The following SFXN5 variants were observed in gnomAD, a reference collection of about 807,000 sequenced individuals.
SFXN5 encodes sideroflexin-5.
Under a neutral mutation model 50.2 loss-of-function variants are expected in SFXN5, and 43 were observed. That is an observed-to-expected ratio of 0.86 (90% CI 0.67 to 1.11). The LOEUF is 1.11. Among genes scored for constraint, SFXN5 ranks in the 50% least tolerant of loss-of-function variants. The probability of loss-of-function intolerance (pLI) is 0.00; values close to 1 mark genes in which losing one functional copy is unlikely to be tolerated. For missense variants in SFXN5, 463 were observed against 454.1 expected (o/e 1.02, Z -0.18); for synonymous variants, 203 against 185.8 (o/e 1.09, Z -0.75).
chr2:72,947,898 G>A (rs775113222), intron 13 of SFXN5, among the ~76,000 whole-genome samples: 27 of 148,004 alleles, frequency 1.8e-4, no homozygotes, highest in Non-Finnish European at 3.3e-4. Flanking sequence ...AATGCACAGC[G>A]CCCACGCTTA....
intron 12 of SFXN5, chr2:72,967,286 T>C (rs1674527658): frequency 1.3e-5 from 2 of 152,180 alleles, no homozygotes; most frequent in South Asian, 2.1e-4. Context: ...GGCAGGGCAG[T>C]GAACAAAAGG....
intron 8 of SFXN5, among the ~76,000 whole-genome samples, chr2:72,999,945 T>TG (rs890897182): frequency 7.9e-5 from 12 of 151,940 alleles, no homozygotes; most frequent in East Asian, 2.0e-4. Flanking sequence ...GCAGGGGCTC[T>TG]GGGGGGGAGT....
intron 13 of SFXN5, among the ~76,000 whole-genome samples, chr2:72,946,121 C>A (rs1482855947): frequency 6.6e-6 from 1 of 151,756 alleles, no homozygotes; most frequent in African/African-American, 2.4e-5. Context: ...CACCTGGCTC[C>A]ACCTCCCCTG....
rs552733641 is a variant in SFXN5 at position 73,055,389 on chromosome 2, TTGTC to T, written c.171+3135_171+3138del. Among the ~76,000 whole-genome samples, 56 of 152,336 alleles carry T rather than the reference TTGTC, an allele frequency of 3.7e-4. 2 individuals carry two copies. The South Asian group carries it at 0.011, about 29-fold the overall frequency. Reference sequence around the variant, plus strand: ...CTTAACTTCCAGTCTGTCCTTTTCTTTGTCTGTAAAATGGAACTTATAATAGCAT... The same window carrying T: ...CTTAACTTCCAGTCTGTCCTTTTCTTTGTAAAATGGAACTTATAATAGCAT... On this transcript the variant is annotated intron_variant, in intron 2 of 13. Transcript: ENST00000272433.
intron 4 of SFXN5, 21 bp downstream of exon 4, chr2:73,023,167 G>C: frequency 1.9e-6 from 3 of 1,600,152 alleles, no homozygotes; most frequent in Admixed American, 3.4e-5. Context: ...GAAGGAAATA[G>C]AGAATCCAAA....
At chr2:72,958,353 T>G (rs937814417) in intron 13 of SFXN5, among the ~76,000 whole-genome samples, 3 of 152,178 alleles carry the variant, frequency 2.0e-5, no homozygotes, top group Admixed American at 2.0e-4. Flanking sequence ...CTCTGGTGTT[T>G]CCTCTCCTAT....
Position 72,953,548 on chromosome 2 carries a change from A to T in SFXN5, c.945+7583T>A, listed in dbSNP as rs1269355152. Among the ~76,000 whole-genome samples the T allele has an allele frequency of 6.6e-6, 1 of 152,162 alleles. No individual in the cohort carries two copies. The highest frequency in any genetic ancestry group is 1.5e-5 in the Non-Finnish European group (1 of 68,044). On this transcript the variant is annotated intron_variant, in intron 13 of 13. Transcript: ENST00000272433. This position sits in a 1 kb window ranked among gnomAD's most constrained non-coding sequence, Gnocchi z 4.1. Reference sequence around the variant, plus strand: ...ACCCAGATGAGCCACGCTCTGTACTAGGTGTTGATAAAGGGCACCAGTTCT... The same window carrying T: ...ACCCAGATGAGCCACGCTCTGTACTTGGTGTTGATAAAGGGCACCAGTTCT...
At chr2:73,002,591 A>C (rs751503190) in intron 6 of SFXN5, among the ~76,000 whole-genome samples, 1 of 152,258 alleles carries the variant, frequency 6.6e-6, no homozygotes, top group Non-Finnish European at 1.5e-5. Context: ...ATAAACACTC[A>C]ATAATATGCA....
chr2:73,045,013 G>C (rs1232916958), intron 2 of SFXN5, among the ~76,000 whole-genome samples: 1 of 152,216 alleles, frequency 6.6e-6, no homozygotes, highest in Non-Finnish European at 1.5e-5. Context: ...GCACAAAAAG[G>C]AAAGCTGAGG....
intron 1 of SFXN5, among the ~76,000 whole-genome samples, chr2:73,067,942 G>T (rs1683294519): frequency 1.3e-5 from 2 of 152,180 alleles, no homozygotes; most frequent in South Asian, 4.1e-4. Flanking sequence ...GCTTCACAGG[G>T]TTGTTGTGAA....
rs1004925975 is a variant in SFXN5, at chr2:72,973,970, C to T, written c.626-2285G>A. ...ACCACCACCGCCACTCCCAGAAAGG[C>T]AAAGTTACAGGAATGTGGTCCAGGA... On this transcript the variant is annotated intron_variant, in intron 10 of 13. Coordinates refer to ENST00000272433, the MANE Select transcript of SFXN5 (RefSeq NM_144579.3). This position sits in a 1 kb window ranked among gnomAD's most constrained non-coding sequence, Gnocchi z 5.5. Among the ~76,000 whole-genome samples, 2 of 152,210 alleles carry T rather than the reference C, an allele frequency of 1.3e-5. No individual in the cohort carries two copies. The highest frequency in any genetic ancestry group is 4.8e-5 in the African/African-American group (2 of 41,450).
Position 72,961,485 on chromosome 2 carries a change from G to A in SFXN5, c.828-237C>T, listed in dbSNP as rs981766484. ...AATGTCTTGAAGGACGTTGCTGGCT[G>A]AAACCTCAATTACTCAGGTCACGAA... On this transcript the variant is annotated intron_variant, in intron 12 of 13. Coordinates refer to ENST00000272433, the MANE Select transcript of SFXN5 (RefSeq NM_144579.3). This position sits in a 1 kb window ranked among gnomAD's most constrained non-coding sequence, Gnocchi z 4.4. Among the ~76,000 whole-genome samples the A allele has an allele frequency of 6.6e-6, 1 of 152,230 alleles. No individual in the cohort carries two copies. The highest frequency in any genetic ancestry group is 6.5e-5 in the Admixed American group (1 of 15,288).
At chr2:72,967,534 C>T (rs908591982) in intron 12 of SFXN5, among the ~76,000 whole-genome samples, 5 of 152,240 alleles carry the variant, frequency 3.3e-5, no homozygotes, top group South Asian at 4.1e-4. Flanking sequence ...TAATAAATGT[C>T]GCTTGTTATT....
chr2:72,993,736 C>T (rs539520395), intron 9 of SFXN5, among the ~76,000 whole-genome samples: 1 of 152,266 alleles, frequency 6.6e-6, no homozygotes, highest in South Asian at 2.1e-4. Context: ...CCAGGATTCC[C>T]AGGTGCTGTC....
chr2:73,023,561 T>G (rs1429714952), intron 3 of SFXN5, among the ~76,000 whole-genome samples: 2 of 152,228 alleles, frequency 1.3e-5, no homozygotes, highest in African/African-American at 4.8e-5. Context: ...GGTAGAAACC[T>G]CTAATTTAAA....
At chr2:73,065,959 C>A (rs1293799358) in intron 1 of SFXN5, among the ~76,000 whole-genome samples, 1 of 151,884 alleles carries the variant, frequency 6.6e-6, no homozygotes, top group Non-Finnish European at 1.5e-5. Flanking sequence ...GGTGTCTGGG[C>A]CGGAAGGAAA....
intron 3 of SFXN5, among the ~76,000 whole-genome samples, chr2:73,024,347 T>C (rs1574149667): frequency 6.6e-6 from 1 of 152,244 alleles, no homozygotes; most frequent in African/African-American, 2.4e-5. Flanking sequence ...CAAGGAAACA[T>C]GGCAAATAAA....
intron 7 of SFXN5, 71 bp from the exon 8 acceptor site, chr2:73,000,558 G>C: frequency 2.1e-6 from 3 of 1,436,708 alleles, no homozygotes; most frequent in Non-Finnish European, 2.9e-6. Flanking sequence ...TGGACCCCAG[G>C]AGGCCACACA....
intron 1 of SFXN5, among the ~76,000 whole-genome samples, chr2:73,068,322 T>C (rs1683319850): frequency 6.6e-6 from 1 of 152,134 alleles, no homozygotes; most frequent in Non-Finnish European, 1.5e-5. Context: ...AGCATATATA[T>C]TACACAACTA....
Sources: gnomAD v4.1 joint callset for allele counts (sites outside exome capture counted in the v4.1 genomes callset) on GRCh38, gnomAD v4.1.1 for gene constraint, Gnocchi (gnomAD v3.1) non-coding constraint, MANE v1.5 for transcripts, NCBI Gene and HGNC (gene_info 2026-07-23, HGNC 2026-07-21) for gene names.